CDH12: variants seen among roughly 807,000 people sequenced by gnomAD.
CDH12 encodes cadherin 12.
CDH12 carries 41 observed loss-of-function variants against 74.1 expected under a neutral mutation model. The observed-to-expected ratio is 0.55, with a 90% CI of 0.43 to 0.72. The LOEUF is 0.72. Ranked by LOEUF, CDH12 falls within the 30% of genes least tolerant of loss-of-function variation. CDH12 has a pLI of 0.00. For synonymous variants in CDH12, 399 were observed against 355.0 expected (o/e 1.12, Z -1.39); for missense variants, 945 against 977.2 (o/e 0.97, Z 0.44).
chr5:21,855,115 T>G (rs890228259), intron 6 of CDH12, among the ~76,000 whole-genome samples: 5 of 151,768 alleles, frequency 3.3e-5, no homozygotes, highest in Non-Finnish European at 7.4e-5. Flanking sequence ...GCTCATCTGC[T>G]TACTATTGAT....
intron 3 of CDH12, among the ~76,000 whole-genome samples, chr5:22,285,062 A>G (rs1737074848): frequency 6.6e-6 from 1 of 152,112 alleles, no homozygotes; most frequent in African/African-American, 2.4e-5. Context: ...GCATTGAGAA[A>G]GAAGTTATTT....
At chr5:22,542,997 G>T (rs1202710777) in intron 1 of CDH12, among the ~76,000 whole-genome samples, 1 of 152,118 alleles carries the variant, frequency 6.6e-6, no homozygotes, top group African/African-American at 2.4e-5. Context: ...GTCAGAGAAA[G>T]CTCTGATTAT....
intron 11 of CDH12, among the ~76,000 whole-genome samples, chr5:21,782,306 T>C (rs1309954149): frequency 6.6e-6 from 1 of 152,206 alleles, no homozygotes; most frequent in Non-Finnish European, 1.5e-5. Flanking sequence ...TATGTTAGAC[T>C]TACTTTTAAT....
At chr5:21,923,899 T>C (rs951556339) in intron 6 of CDH12, among the ~76,000 whole-genome samples, 2 of 152,142 alleles carry the variant, frequency 1.3e-5, no homozygotes, top group Non-Finnish European at 2.9e-5. Flanking sequence ...ATTGAAGACA[T>C]AGGGTAAATT....
At chr5:21,981,105 T>C (rs1757284689) in intron 5 of CDH12, among the ~76,000 whole-genome samples, 1 of 152,118 alleles carries the variant, frequency 6.6e-6, no homozygotes, top group Non-Finnish European at 1.5e-5. Context: ...AATGTTATAG[T>C]AGTTCTTTAA....
chr5:22,308,809 A>T (rs1448517980), intron 3 of CDH12, among the ~76,000 whole-genome samples: 1 of 85,380 alleles, frequency 1.2e-5, no homozygotes, highest in Non-Finnish European at 2.6e-5. Flanking sequence ...CAAATACACA[A>T]ACACACACAC....
At chr5:22,068,639 G>A (rs887653176) in intron 5 of CDH12, among the ~76,000 whole-genome samples, 11 of 152,182 alleles carry the variant, frequency 7.2e-5, no homozygotes, top group African/African-American at 2.7e-4. Flanking sequence ...AAGAGATAAG[G>A]TATAGGGATG....
At chr5:22,104,919 T>C (rs886672457) in intron 4 of CDH12, among the ~76,000 whole-genome samples, 23 of 152,074 alleles carry the variant, frequency 1.5e-4, no homozygotes, top group African/African-American at 5.6e-4. Context: ...TCTGGTGAAA[T>C]TAAGGTGTTG....
At position 21,799,419 on chromosome 5, in the gene CDH12, C is replaced by T. The variant is rs192348643; in HGVS notation, c.1256+2748G>A. On this transcript the variant is annotated intron_variant, in intron 10 of 14. Coordinates refer to ENST00000382254, the MANE Select transcript of CDH12 (RefSeq NM_004061.5). ...GACTTGGAAATATCTCAGCCCCGTC[C>T]GTGTTCCAAAATAATGAGAAAGTGT... 2.9e-4 allele frequency among the ~76,000 whole-genome samples: 44 copies of T among 152,118 alleles called. No individual in the cohort carries two copies. In the South Asian group the frequency reaches 2.9e-3, roughly 10 times the overall value.
chr5:22,167,712 A>C (rs1748765744), intron 4 of CDH12, among the ~76,000 whole-genome samples: 2 of 152,146 alleles, frequency 1.3e-5, no homozygotes, highest in Admixed American at 6.6e-5. Context: ...GATGAGTATT[A>C]AATACTCTTA....
intron 3 of CDH12, among the ~76,000 whole-genome samples, chr5:22,377,670 T>C (rs941584148): frequency 2.0e-4 from 30 of 152,196 alleles, no homozygotes; most frequent in Non-Finnish European, 4.4e-5. Context: ...TCACTTTCTA[T>C]GCCAGATTTC....
chr5:22,832,201 C>G lies in CDH12; in HGVS notation c.-523+20857G>C, dbSNP rs982015293. On this transcript the variant is annotated intron_variant, in intron 1 of 14. Transcript: ENST00000382254. ...ACCTTGACATCAAACTTTTTTGAGA[C>G]TTGGCACCTTCATATACAGAATGGA... Among the ~76,000 whole-genome samples the G allele has an allele frequency of 8.5e-5, 13 of 152,226 alleles. 1 individual carries two copies. The highest frequency in any genetic ancestry group is 4.1e-4 in the South Asian group (2 of 4,830).
intron 3 of CDH12, among the ~76,000 whole-genome samples, chr5:22,398,011 T>A (rs187696008): frequency 3.0e-4 from 46 of 152,210 alleles, no homozygotes; most frequent in Admixed American, 6.6e-4. Context: ...GAAGATATAT[T>A]GTGCATTAAC....
intron 1 of CDH12, among the ~76,000 whole-genome samples, chr5:22,840,006 C>T (rs1277000326): frequency 2.0e-5 from 3 of 152,176 alleles, no homozygotes; most frequent in African/African-American, 7.2e-5. Context: ...CCAGAACAAA[C>T]TAAGTACTGC....
At chr5:22,664,319 A>T (rs1341401708) in intron 1 of CDH12, among the ~76,000 whole-genome samples, 2 of 152,182 alleles carry the variant, frequency 1.3e-5, no homozygotes, top group African/African-American at 4.8e-5. Context: ...ATGGCTGGGG[A>T]TACCTCAGGA....
At chr5:22,317,883 G>T (rs939882138) in intron 3 of CDH12, among the ~76,000 whole-genome samples, 1 of 152,310 alleles carries the variant, frequency 6.6e-6, no homozygotes, top group East Asian at 1.9e-4. Context: ...CAGACAGCAA[G>T]ATTCACTTGC....
At position 22,121,184 on chromosome 5, in the gene CDH12, C is replaced by G. The variant is rs141739368; in HGVS notation, c.-186-42322G>C. Among the ~76,000 whole-genome samples the G allele has an allele frequency of 5.0e-3, 763 of 152,232 alleles. 5 individuals carry two copies. The highest frequency in any genetic ancestry group is 0.017 in the African/African-American group (703 of 41,546). On this transcript the variant is annotated intron_variant, in intron 4 of 14. Transcript: ENST00000382254. ...AATTCTCCATGGGTATCTAGCAGTTCTACACATATTGGGAAGAGGCATTGA... is the reference window on the plus strand; with the variant it reads ...AATTCTCCATGGGTATCTAGCAGTTGTACACATATTGGGAAGAGGCATTGA...
At chr5:22,403,533 A>C (rs2126453923) in intron 3 of CDH12, among the ~76,000 whole-genome samples, 1 of 152,344 alleles carries the variant, frequency 6.6e-6, no homozygotes, top group African/African-American at 2.4e-5. Context: ...TCAGGCAACC[A>C]CAATCCTTGC....
chr5:22,605,076 C>T (rs1386719619), intron 1 of CDH12, among the ~76,000 whole-genome samples: 1 of 149,040 alleles, frequency 6.7e-6, no homozygotes, highest in African/African-American at 2.5e-5. Flanking sequence ...TCAGTAAAGA[C>T]TACCCTCTAT....
Sources: gnomAD v4.1 joint callset for allele counts (sites outside exome capture counted in the v4.1 genomes callset) on GRCh38, gnomAD v4.1.1 for gene constraint, MANE v1.5 for transcripts, NCBI Gene and HGNC (gene_info 2026-07-23, HGNC 2026-07-21) for gene names.